The following TPH2 variants were observed in gnomAD, a reference collection of about 807,000 sequenced individuals.
TPH2 encodes tryptophan 5-hydroxylase 2.
In TPH2, 27 loss-of-function variants were observed where a neutral mutation model predicts 59.1. The ratio of observed to expected loss-of-function variants is 0.46; its 90% confidence interval spans 0.34 to 0.63. The LOEUF (loss-of-function observed/expected upper bound fraction) is 0.63. Among genes scored for constraint, TPH2 ranks in the 30% least tolerant of loss-of-function variants. TPH2 has a pLI of 0.01. For missense variants in TPH2, 523 were observed against 588.3 expected (o/e 0.89, Z 1.15); for synonymous variants, 220 against 210.5 (o/e 1.05, Z -0.39).
chr12:71,955,716 T>C (rs1202407747), intron 5 of TPH2, among the ~76,000 whole-genome samples: 6 of 152,216 alleles, frequency 3.9e-5, no homozygotes, highest in Admixed American at 1.3e-4. Flanking sequence ...AAATATTTAA[T>C]AATATTGTTA....
At chr12:72,010,169 G>A (rs11179041) in intron 8 of TPH2, among the ~76,000 whole-genome samples, 7,753 of 152,216 alleles carry the variant, frequency 0.051, 347 homozygotes, top group East Asian at 0.17. Flanking sequence ...TCACTCCAAA[G>A]TCAATGCTCA....
At chr12:71,941,059 A>C (rs2139175548) in intron 1 of TPH2, among the ~76,000 whole-genome samples, 1 of 152,342 alleles carries the variant, frequency 6.6e-6, no homozygotes, top group Admixed American at 6.5e-5. Flanking sequence ...CTAACTGAAG[A>C]AAGTAATACT....
intron 7 of TPH2, among the ~76,000 whole-genome samples, chr12:71,980,548 G>A (rs1872246361): frequency 6.6e-6 from 1 of 151,882 alleles, no homozygotes; most frequent in Admixed American, 6.5e-5. Flanking sequence ...GTGTTTTCAG[G>A]GTAAACAGAG....
chr12:72,022,541 A>G lies in TPH2; in HGVS notation c.1164+47A>G, dbSNP rs562988206. The G allele has an allele frequency of 4.1e-4, 540 of 1,315,476 alleles. 1 individual carries two copies. The highest frequency in any genetic ancestry group is 5.0e-4 in the Non-Finnish European group (452 of 907,798). 81.5% of individuals were successfully genotyped at this position (1,315,476 alleles called of 1,614,324 possible). The stretch of plus-strand genomic sequence containing the variant: ...TACCCTTCCCATGCAAACTGGTTCA[A>G]GGTCAGGGAAAATATTGATTTGTTT... On this transcript the variant is annotated intron_variant, in intron 9 of 10. Transcript: ENST00000333850.
chr12:71,999,704 A>G (rs555949360), intron 8 of TPH2, among the ~76,000 whole-genome samples: 1 of 152,238 alleles, frequency 6.6e-6, no homozygotes, highest in Non-Finnish European at 1.5e-5. Context: ...GAGAATGTAT[A>G]TATTATGCTA....
chr12:71,985,100 T>A (rs1254731005), intron 7 of TPH2, among the ~76,000 whole-genome samples: 1 of 152,228 alleles, frequency 6.6e-6, no homozygotes, highest in Non-Finnish European at 1.5e-5. Flanking sequence ...TGGACTCACC[T>A]AATACTACAA....
chr12:72,000,923 A>G (rs190417150), intron 8 of TPH2, among the ~76,000 whole-genome samples: 3 of 152,356 alleles, frequency 2.0e-5, no homozygotes, highest in East Asian at 3.9e-4. Flanking sequence ...TCCCTGAAAT[A>G]TATTGATTTC....
intron 2 of TPH2, among the ~76,000 whole-genome samples, chr12:71,942,547 G>A (rs1430518126): frequency 2.0e-5 from 3 of 152,134 alleles, no homozygotes; most frequent in Non-Finnish European, 4.4e-5. Context: ...TGCAGTTAGG[G>A]GGTTCAGACC....
chr12:71,981,395 T>C (rs1038967887), intron 7 of TPH2, among the ~76,000 whole-genome samples: 3 of 152,114 alleles, frequency 2.0e-5, no homozygotes, highest in Admixed American at 1.3e-4. Flanking sequence ...GTAAGTGTAT[T>C]GGAGAAAAAT....
At chr12:71,946,994 C>T (rs1052229580) in intron 4 of TPH2, among the ~76,000 whole-genome samples, 8 of 152,060 alleles carry the variant, frequency 5.3e-5, no homozygotes, top group African/African-American at 1.4e-4. Context: ...GAAGGTCTTT[C>T]GAAGTGGGGG....
chr12:71,970,625 T>C (rs1476445592), intron 5 of TPH2, among the ~76,000 whole-genome samples: 3 of 152,246 alleles, frequency 2.0e-5, no homozygotes, highest in Non-Finnish European at 4.4e-5. Context: ...ACAGATTTAG[T>C]TGAATTTTCT....
intron 9 of TPH2, among the ~76,000 whole-genome samples, chr12:72,028,787 G>T (rs546028976): frequency 1.3e-5 from 2 of 152,122 alleles, no homozygotes; most frequent in Admixed American, 6.5e-5. Context: ...GACTCCTGAG[G>T]GTAGGCTGCG....
chr12:71,978,362 A>G (rs949660210), intron 6 of TPH2, among the ~76,000 whole-genome samples: 4 of 152,204 alleles, frequency 2.6e-5, no homozygotes, highest in Non-Finnish European at 5.9e-5. Context: ...ACTTTATTGC[A>G]TTCTTACTTT....
intron 1 of TPH2, among the ~76,000 whole-genome samples, chr12:71,939,556 A>G (rs1362660994): frequency 2.6e-5 from 4 of 152,212 alleles, no homozygotes; most frequent in Non-Finnish European, 5.9e-5. Flanking sequence ...CTTTAAACAT[A>G]GAACTATTAT....
intron 6 of TPH2, among the ~76,000 whole-genome samples, chr12:71,974,787 T>C (rs1364894667): frequency 2.0e-5 from 3 of 152,190 alleles, no homozygotes; most frequent in Non-Finnish European, 2.9e-5. Context: ...ATCATCCAAA[T>C]TGATGTCCTC....
chr12:71,943,726 A>G (rs1294345063), intron 2 of TPH2, among the ~76,000 whole-genome samples: 5 of 151,862 alleles, frequency 3.3e-5, no homozygotes, highest in African/African-American at 4.8e-5. Flanking sequence ...TTTTTGTACC[A>G]TATGGGTTAC....
At chr12:71,952,637 G>T (rs112429559) in intron 5 of TPH2, among the ~76,000 whole-genome samples, 6 of 152,230 alleles carry the variant, frequency 3.9e-5, no homozygotes, top group Admixed American at 1.3e-4. Context: ...ATGGTGCTGA[G>T]CCCAGACTGA....
chr12:72,029,534 A>AATATG (rs1873660488), intron 9 of TPH2, among the ~76,000 whole-genome samples: 1 of 152,160 alleles, frequency 6.6e-6, no homozygotes, highest in Admixed American at 6.5e-5. Context: ...TGAAACTGTG[A>AATATG]ATATGTTTCT....
At chr12:71,959,062 A>ATTTT (rs34121208) in intron 5 of TPH2, among the ~76,000 whole-genome samples, 8 of 146,710 alleles carry the variant, frequency 5.5e-5, no homozygotes, top group Admixed American at 1.4e-4. Flanking sequence ...AGAGAAGGGC[A>ATTTT]TTTTTTTTTT....
Sources: allele counts gnomAD v4.1 joint callset (sites outside exome capture counted in the v4.1 genomes callset), GRCh38; gene constraint gnomAD v4.1.1; transcripts MANE v1.5; gene names NCBI Gene and HGNC (gene_info 2026-07-23, HGNC 2026-07-21).